Variants in SMG6 observed in about 807,000 individuals in gnomAD.
SMG6 encodes telomerase-binding protein EST1A.
SMG6 carries 66 observed loss-of-function variants against 142.2 expected under a neutral mutation model. The ratio of observed to expected loss-of-function variants is 0.46; its 90% CI spans 0.38 to 0.57. The LOEUF (loss-of-function observed/expected upper bound fraction) is 0.57, where lower values mean the gene tolerates loss of function less well. SMG6 is among the 20% of genes least tolerant of loss of function. The pLI is 0.00. For synonymous variants in SMG6, 779 were observed against 702.4 expected, an observed-to-expected ratio of 1.11 and a Z score of -1.72; for missense variants, 1,793 against 1,832.0, an observed-to-expected ratio of 0.98 and a Z score of 0.39.
At chr17:2,233,747 C>T (rs2073565821) in intron 10 of SMG6, 1 of 151,312 alleles carries the variant, frequency 6.6e-6, no homozygotes, top group African/African-American at 2.4e-5. Context: ...GCACAGGGGA[C>T]CAAAGATGAT....
intron 13 of SMG6, among the ~76,000 whole-genome samples, chr17:2,168,780 G>C (rs112415631): frequency 0.039 from 5,949 of 151,766 alleles, 166 homozygotes; most frequent in Middle Eastern, 0.1. Flanking sequence ...ACGGAGTCTT[G>C]CTCTGTCACC....
chr17:2,144,671 C>T (rs1000752974), intron 13 of SMG6, among the ~76,000 whole-genome samples: 1 of 152,130 alleles, frequency 6.6e-6, no homozygotes, highest in Non-Finnish European at 1.5e-5. Flanking sequence ...TTTGCTTCTG[C>T]GGGTTACCCT....
chr17:2,162,660 G>C (rs1431503830), intron 13 of SMG6, among the ~76,000 whole-genome samples: 1 of 151,846 alleles, frequency 6.6e-6, no homozygotes, highest in Non-Finnish European at 1.5e-5. Flanking sequence ...CTGAGATCCT[G>C]TCTCTAATAA....
intron 8 of SMG6, among the ~76,000 whole-genome samples, chr17:2,276,859 G>A (rs905233578): frequency 2.6e-5 from 4 of 151,698 alleles, no homozygotes; most frequent in East Asian, 1.9e-4. Flanking sequence ...TCGGCTCACC[G>A]CAACCTCCAC....
In SMG6 at chr17:2,118,987, G is replaced by A. The variant is rs370224503; in HGVS notation, c.3358-33086C>T. ...GTGACCTCGACTCACTGCAACCTCC[G>A]TCTCCCGGTTCAAGCAATTCTCCTG... On this transcript the variant is annotated intron_variant, in intron 13 of 18. Transcript: ENST00000263073. Among the ~76,000 whole-genome samples, 347 of 149,610 alleles carry A rather than the reference G, an allele frequency of 2.3e-3. 4 individuals carry two copies. Among genetic ancestry groups the A allele is most frequent in the South Asian group, 0.021 (97 of 4,696 alleles).
At chr17:2,138,409 GA>G (rs1673981318) in intron 13 of SMG6, among the ~76,000 whole-genome samples, 1 of 152,156 alleles carries the variant, frequency 6.6e-6, no homozygotes, top group African/African-American at 2.4e-5. Flanking sequence ...CCACTAACCA[GA>G]ACCCCCAGTG....
intron 13 of SMG6, among the ~76,000 whole-genome samples, chr17:2,152,722 C>T (rs764450957): frequency 5.3e-5 from 8 of 152,208 alleles, no homozygotes; most frequent in East Asian, 1.9e-4. Context: ...AGGAACTGCT[C>T]GTGCAATACG....
rs189735679 is a variant in SMG6, at chr17:2,136,847, G to C, written c.3357+35811C>G. ...TTAAATAAAACACAAGAAAAAACAGGCATGTTCTGCTCCTGAAAGATCAAA... is the reference window on the plus strand; with the variant it reads ...TTAAATAAAACACAAGAAAAAACAGCCATGTTCTGCTCCTGAAAGATCAAA... On this transcript the variant is annotated intron_variant, in intron 13 of 18. Transcript: ENST00000263073. 2.0e-3 allele frequency among the ~76,000 whole-genome samples: 305 copies of C among 151,804 alleles called. 2 individuals carry two copies. Among genetic ancestry groups the C allele is most frequent in the African/African-American group, 5.2e-3 (213 of 41,344 alleles).
intron 8 of SMG6, among the ~76,000 whole-genome samples, chr17:2,255,201 G>C (rs1251185979): frequency 1.3e-5 from 2 of 151,396 alleles, no homozygotes; most frequent in African/African-American, 4.9e-5. Context: ...TCAGGAGATC[G>C]AGACCATCCT....
intron 6 of SMG6, among the ~76,000 whole-genome samples, chr17:2,285,449 G>A (rs924579596): frequency 6.6e-6 from 1 of 151,970 alleles, no homozygotes; most frequent in Non-Finnish European, 1.5e-5. Context: ...GCCATTGAGG[G>A]AATTCAGCAC....
At chr17:2,240,641 C>T (rs1475248273) in intron 9 of SMG6, among the ~76,000 whole-genome samples, 1 of 152,178 alleles carries the variant, frequency 6.6e-6, no homozygotes, top group East Asian at 1.9e-4. Flanking sequence ...AAAACAAACT[C>T]TTTTTGGCAC....
chr17:2,132,165 G>A (rs9893260), intron 13 of SMG6, among the ~76,000 whole-genome samples: 3,930 of 152,164 alleles, frequency 0.026, 160 homozygotes, highest in African/African-American at 0.088. Context: ...GAGCCACCAC[G>A]CCCAGTGAAT....
intron 8 of SMG6, among the ~76,000 whole-genome samples, chr17:2,260,248 A>G (rs2074282115): frequency 6.6e-6 from 1 of 152,226 alleles, no homozygotes; most frequent in African/African-American, 2.4e-5. Flanking sequence ...AGAAACACGC[A>G]TTGCAGATCT....
Position 2,071,726 on chromosome 17 carries a change from G to A in SMG6, c.3682-2795C>T, listed in dbSNP as rs892197378. ...CTGCTCCCTTTTCTCCTGGGGTACCGGTGGGCCTCTGGGCGGGGGGGGTCA... is the reference window on the plus strand; with the variant it reads ...CTGCTCCCTTTTCTCCTGGGGTACCAGTGGGCCTCTGGGCGGGGGGGGTCA... On this transcript the variant is annotated intron_variant, in intron 15 of 18. Coordinates refer to ENST00000263073, the MANE Select transcript of SMG6 (RefSeq NM_017575.5). This position sits in a 1 kb window ranked among gnomAD's most constrained non-coding sequence, Gnocchi z 5.6. Among the ~76,000 whole-genome samples, 7 of 110,006 alleles carry A rather than the reference G, an allele frequency of 6.4e-5. No individual in the cohort carries two copies. Among genetic ancestry groups the A allele is most frequent in the Non-Finnish European group, 1.3e-4 (7 of 54,350 alleles). The allele number at this position is 110,006 out of a possible 152,430, so 72.2% of individuals were successfully genotyped here.
intron 13 of SMG6, among the ~76,000 whole-genome samples, chr17:2,109,044 ATACAT>A (rs1193348307): frequency 6.6e-6 from 1 of 152,248 alleles, no homozygotes; most frequent in Non-Finnish European, 1.5e-5. Flanking sequence ...CCCAGAGACA[ATACAT>A]TAATTATCTG....
At chr17:2,273,937 A>G (rs2074594663) in intron 8 of SMG6, among the ~76,000 whole-genome samples, 1 of 152,240 alleles carries the variant, frequency 6.6e-6, no homozygotes, top group South Asian at 2.1e-4. Context: ...TTTGTGGTGA[A>G]TTTATTGAAT....
At position 2,299,367 on chromosome 17, in the gene SMG6, A is replaced by G; in HGVS notation, c.1386T>C (p.Asp462=). The G allele has an allele frequency of 6.2e-7, 1 of 1,614,048 alleles. No individual in the cohort carries two copies. The highest frequency in any genetic ancestry group is 1.1e-5 in the South Asian group (1 of 91,076). The change falls in exon 2 of 19, where the codon GAT becomes GAC. Residue 462 remains aspartate (D), a synonymous_variant. Transcript: ENST00000263073. The surrounding 1 kb of genome is among the most constrained non-coding windows in gnomAD (Gnocchi z 4.3). ...TRRLWDPNNP[D]QKPALKTQTP... Reference sequence around the variant, plus strand: ...TCTGAGTCTTTAGAGCAGGTTTCTGATCAGGATTGTTTGGGTCCCACAATC... The same window carrying G: ...TCTGAGTCTTTAGAGCAGGTTTCTGGTCAGGATTGTTTGGGTCCCACAATC...
chr17:2,135,181 A>C (rs1359229787), intron 13 of SMG6, among the ~76,000 whole-genome samples: 1 of 152,202 alleles, frequency 6.6e-6, no homozygotes, highest in Non-Finnish European at 1.5e-5. Context: ...CACCCAGCCT[A>C]ATAGTTTTAT....
At chr17:2,087,203 C>T in intron 13 of SMG6, 1 of 1,290,444 alleles carries the variant, frequency 7.7e-7, no homozygotes, top group Non-Finnish European at 1.0e-6. Context: ...TAAGGACAAG[C>T]TGTGCACACA....
Sources: allele counts gnomAD v4.1 joint callset (sites outside exome capture counted in the v4.1 genomes callset), GRCh38; gene constraint gnomAD v4.1.1; non-coding constraint Gnocchi (gnomAD v3.1); transcripts MANE v1.5; gene names NCBI Gene and HGNC (gene_info 2026-07-23, HGNC 2026-07-21).